The following SLC7A9 variants were observed in gnomAD, a reference collection of about 807,000 sequenced individuals.
SLC7A9 encodes the protein B(0,+)-type amino acid transporter 1.
In SLC7A9, 38 loss-of-function variants were observed where a neutral mutation model predicts 54.1. That is an observed-to-expected ratio of 0.70 (90% CI 0.54 to 0.92). The LOEUF is 0.92. Among genes scored for constraint, SLC7A9 ranks in the 40% least tolerant of loss-of-function variants. SLC7A9 has a pLI of 0.00. For synonymous variants in SLC7A9, 264 were observed against 258.9 expected (o/e 1.02, Z -0.19); for missense variants, 537 against 636.1 (o/e 0.84, Z 1.68).
chr19:32,830,828 T>C (rs1967761752), intron 12 of SLC7A9, 144 bp from the exon 13 acceptor site: 4 of 711,378 alleles, frequency 5.6e-6, no homozygotes, highest in Middle Eastern at 2.4e-4. Context: ...CCAGCTTTCC[T>C]GCCTTCTGGT....
chr19:32,852,747 C>T (rs1431981817), intron 9 of SLC7A9, among the ~76,000 whole-genome samples: 1 of 152,028 alleles, frequency 6.6e-6, no homozygotes, highest in African/African-American at 2.4e-5. Context: ...ATCAGTCCTC[C>T]AGAAATTAAT....
chr19:32,858,530 C>G lies in SLC7A9; in HGVS notation c.887G>C (p.Arg296Pro). The G allele has an allele frequency of 1.2e-6, 2 of 1,612,010 alleles. No individual in the cohort carries two copies. Among genetic ancestry groups the G allele is most frequent in the Admixed American group, 1.7e-5 (1 of 59,946 alleles). ...GATCCAAGAAGCAGGATAGAGAACA[C>G]GGTCACCAAATGTCTGGTGAGAGAA... is the stretch of plus-strand genomic sequence containing the variant. ...SQAVAVTFGDRVLYPASWIVP... is the reference protein window; with the variant it reads ...SQAVAVTFGDPVLYPASWIVP... Residue 296 changes from arginine to proline, a missense_variant, in exon 9 of 13, where the codon CGT becomes CCT. Transcript: ENST00000023064.
intron 6 of SLC7A9, among the ~76,000 whole-genome samples, chr19:32,861,755 C>T (rs1199089318): frequency 6.6e-6 from 1 of 152,068 alleles, no homozygotes; most frequent in African/African-American, 2.4e-5. Flanking sequence ...CTCAAGGCTG[C>T]AGTGAGCTAT....
chr19:32,830,548 A>G lies in SLC7A9; in HGVS notation c.*72T>C, dbSNP rs568187375. ...GAGTATATTTTATTCGTAAGAAAAA[A>G]AGGAAGAAATAACCACAAATATTGC... On this transcript the variant is annotated 3_prime_UTR_variant, in exon 13 of 13. Transcript: ENST00000023064. 2.0e-5 allele frequency: 23 copies of G among 1,165,122 alleles called. No individual in the cohort carries two copies. In the African/African-American group the frequency reaches 3.3e-4, roughly 17 times the overall value. 72.2% of individuals were successfully genotyped at this position (1,165,122 alleles called of 1,614,324 possible). A position where few individuals can be genotyped will look rare whatever the true frequency, so the allele number is the denominator to read the frequency against.
At chr19:32,863,113 TA>T (rs1314922324) in intron 4 of SLC7A9, 1 of 152,416 alleles carries the variant, frequency 6.6e-6, no homozygotes, top group African/African-American at 2.4e-5. Context: ...ATTTTATTTT[TA>T]TCTATTTATT....
chr19:32,869,380 A>G (rs1340831861), intron 1 of SLC7A9, among the ~76,000 whole-genome samples: 1 of 152,090 alleles, frequency 6.6e-6, no homozygotes, highest in Non-Finnish European at 1.5e-5. Context: ...TTTTCTTTGT[A>G]CTTTTTAAAT....
intron 11 of SLC7A9, among the ~76,000 whole-genome samples, chr19:32,833,804 GAA>G (rs11341403): frequency 2.0e-5 from 3 of 148,014 alleles, no homozygotes; most frequent in Admixed American, 6.8e-5. Flanking sequence ...TCTCAAAAAA[GAA>G]AAAAAAAAAT....
intron 9 of SLC7A9, among the ~76,000 whole-genome samples, chr19:32,858,023 T>C (rs1241141374): frequency 2.6e-5 from 4 of 152,220 alleles, no homozygotes; most frequent in Non-Finnish European, 4.4e-5. Context: ...AATTAGTTTG[T>C]ATATATTAAC....
chr19:32,831,670 GCTA>G (rs992571846), intron 12 of SLC7A9, among the ~76,000 whole-genome samples: 6 of 152,200 alleles, frequency 3.9e-5, no homozygotes, highest in African/African-American at 1.2e-4. Flanking sequence ...AGCAAAAGTG[GCTA>G]CTAACATAGC....
chr19:32,859,844 A>G lies in SLC7A9; in HGVS notation c.870T>C (p.Ala290=). ...ATELLQSQAV[A]VTFGDRVLYP... is the part of the protein sequence containing the mutation. ...GCAGCGATGCCCGGGCACTCACCAC[A>G]GCCACCGCCTGGGACTGCAGGAGTT... Residue 290 remains alanine, a synonymous_variant, in exon 8 of 13, where the codon GCT becomes GCC. Coordinates refer to ENST00000023064, the MANE Select transcript of SLC7A9 (RefSeq NM_014270.5). The G allele has an allele frequency of 6.2e-7, 1 of 1,613,382 alleles. No individual in the cohort carries two copies. Among genetic ancestry groups the G allele is most frequent in the African/African-American group, 1.3e-5 (1 of 74,996 alleles).
intron 11 of SLC7A9, among the ~76,000 whole-genome samples, chr19:32,836,724 C>T (rs1466814805): frequency 6.6e-6 from 1 of 152,128 alleles, no homozygotes; most frequent in South Asian, 2.1e-4. Flanking sequence ...CTGTTATTAA[C>T]GTGTTTCTCC....
At chr19:32,855,708 A>C (rs1968608371) in intron 9 of SLC7A9, among the ~76,000 whole-genome samples, 1 of 151,956 alleles carries the variant, frequency 6.6e-6, no homozygotes, top group Non-Finnish European at 1.5e-5. Flanking sequence ...TCTCAAAAAA[A>C]AAAATAGAAA....
intron 12 of SLC7A9, chr19:32,832,718 T>C: frequency 4.7e-6 from 1 of 212,796 alleles, no homozygotes; most frequent in East Asian, 1.2e-4. Context: ...TCAAGACCAG[T>C]CTGGGCCACC....
chr19:32,863,485 A>G (rs188867714), intron 4 of SLC7A9, among the ~76,000 whole-genome samples: 3 of 151,974 alleles, frequency 2.0e-5, no homozygotes, highest in Admixed American at 6.6e-5. Flanking sequence ...TCAGCCTCCC[A>G]CGTAGCTGGG....
At chr19:32,858,632 A>C in intron 8 of SLC7A9, 89 bp from the exon 9 acceptor site, 2 of 970,310 alleles carry the variant, frequency 2.1e-6, no homozygotes, top group Non-Finnish European at 3.2e-6. Flanking sequence ...CTCCCAGGGG[A>C]CCCAGGGACC....
chr19:32,835,793 A>G (rs1355547967), intron 11 of SLC7A9, among the ~76,000 whole-genome samples: 1 of 151,928 alleles, frequency 6.6e-6, no homozygotes, highest in East Asian at 1.9e-4. Flanking sequence ...TTATTGATAT[A>G]TTTAATGTAA....
At chr19:32,856,732 C>T (rs1225588433) in intron 9 of SLC7A9, among the ~76,000 whole-genome samples, 1 of 152,276 alleles carries the variant, frequency 6.6e-6, no homozygotes, top group South Asian at 2.1e-4. Flanking sequence ...GGCCTCTACA[C>T]CCAGCTAATT....
chr19:32,853,058 C>T (rs999713321), intron 9 of SLC7A9, among the ~76,000 whole-genome samples: 6 of 151,890 alleles, frequency 4.0e-5, no homozygotes, highest in African/African-American at 7.3e-5. Context: ...GGATTATAGG[C>T]GCCCACCACG....
chr19:32,838,290 C>T (rs1331877329), intron 11 of SLC7A9, among the ~76,000 whole-genome samples: 2 of 151,956 alleles, frequency 1.3e-5, no homozygotes. Context: ...ATTCTAAGCA[C>T]ACTTCCTCTT....
Sources: gnomAD v4.1 joint callset for allele counts (sites outside exome capture counted in the v4.1 genomes callset) on GRCh38, gnomAD v4.1.1 for gene constraint, MANE v1.5 for transcripts, NCBI Gene and HGNC (gene_info 2026-07-23, HGNC 2026-07-21) for gene names.